The following PWWP2A variants were observed in gnomAD, a reference collection of about 807,000 sequenced individuals.
PWWP2A encodes PWWP domain-containing protein 2A.
Under a neutral mutation model 48.5 loss-of-function variants are expected in PWWP2A, and 18 were observed. That is an observed-to-expected ratio of 0.37 (90% CI 0.26 to 0.55). The LOEUF is 0.55. Ranked by LOEUF, PWWP2A falls within the 20% of genes least tolerant of loss-of-function variation. The pLI is 0.81. For missense variants in PWWP2A, 867 were observed against 976.4 expected (o/e 0.89, Z 1.49); for synonymous variants, 396 against 387.7 (o/e 1.02, Z -0.25).
chr5:160,101,111 G>A (rs577671102), intron 1 of PWWP2A, among the ~76,000 whole-genome samples: 7 of 152,322 alleles, frequency 4.6e-5, no homozygotes, highest in African/African-American at 1.7e-4. Context: ...AGCACTCTGG[G>A]AGCCTGAAGC....
At chr5:160,106,921 T>C (rs1200533356) in intron 1 of PWWP2A, among the ~76,000 whole-genome samples, 1 of 146,460 alleles carries the variant, frequency 6.8e-6, no homozygotes, top group Non-Finnish European at 1.5e-5. Context: ...CCTCCCAGGC[T>C]CAAGTGATTC....
At position 160,091,670 on chromosome 5, in the gene PWWP2A, T is replaced by C; in HGVS notation, c.*712A>G. 1 of 985,250 alleles carries C rather than the reference T, an allele frequency of 1.0e-6. No individual in the cohort carries two copies. The highest frequency in any genetic ancestry group is 1.2e-6 in the Non-Finnish European group (1 of 829,878). 61.0% of individuals were successfully genotyped at this position (985,250 alleles called of 1,614,324 possible). On this transcript the variant is annotated 3_prime_UTR_variant, in exon 2 of 2. Transcript: ENST00000307063. Reference sequence around the variant, plus strand: ...CTCCCAAACCAGAAGCTTGAAAGTATTTATTAAATCCCCACTGGACGAAAG... The same window carrying C: ...CTCCCAAACCAGAAGCTTGAAAGTACTTATTAAATCCCCACTGGACGAAAG...
chr5:160,061,042 A>C (rs1753371894), downstream of PWWP2A, among the ~76,000 whole-genome samples: 1 of 152,256 alleles, frequency 6.6e-6, no homozygotes, highest in African/African-American at 2.4e-5. Context: ...CTCAGTTCTC[A>C]AGCTGTCAGT....
At chr5:160,116,826 C>T (rs1758190502) in intron 1 of PWWP2A, 5 of 980,112 alleles carry the variant, frequency 5.1e-6, no homozygotes, top group Non-Finnish European at 6.1e-6. Context: ...GGCGAGGTGG[C>T]TCATGCCTGT....
Position 160,077,885 on chromosome 5 carries a change from G to T in PWWP2A, c.*270C>A. 1 of 380,584 alleles carries T rather than the reference G, an allele frequency of 2.6e-6. No individual in the cohort carries two copies. The highest frequency in any genetic ancestry group is 4.8e-6 in the Non-Finnish European group (1 of 209,800). 23.6% of individuals were successfully genotyped at this position (380,584 alleles called of 1,614,324 possible). A position where few individuals can be genotyped will look rare whatever the true frequency, so the allele number is the denominator to read the frequency against. ...GTGTTTCTTCATATATAAAATTCAA[G>T]TGAGTTCTTACGTGTGTAATTCACA... On this transcript the variant is annotated 3_prime_UTR_variant, in exon 4 of 4. Coordinates refer to the PWWP2A transcript ENST00000456329. The surrounding 1 kb of genome is among the most constrained non-coding windows in gnomAD (Gnocchi z 4.2).
chr5:160,089,271 A>T (rs1273322454), downstream of PWWP2A, among the ~76,000 whole-genome samples: 1 of 152,098 alleles, frequency 6.6e-6, no homozygotes, highest in Non-Finnish European at 1.5e-5. Flanking sequence ...AGCTCACTGC[A>T]GCCTCCAACT....
At chr5:160,052,773 T>C in the PWWP2A span, among the ~76,000 whole-genome samples, 1 of 152,120 alleles carries the variant, frequency 6.6e-6, no homozygotes, top group African/African-American at 2.4e-5. Flanking sequence ...CTTTATAAAT[T>C]CTAATGCACC....
chr5:160,054,247 T>C, the PWWP2A span, among the ~76,000 whole-genome samples: 1 of 152,218 alleles, frequency 6.6e-6, no homozygotes, highest in African/African-American at 2.4e-5. Flanking sequence ...CAGAGCATTT[T>C]TGAGGAGCTA....
chr5:160,047,399 T>C, the PWWP2A span, among the ~76,000 whole-genome samples: 1 of 152,224 alleles, frequency 6.6e-6, no homozygotes, highest in Non-Finnish European at 1.5e-5. Flanking sequence ...GCAAGTTCCA[T>C]GGGCTCAAAT....
rs1395344858 is a variant in PWWP2A at position 160,095,710 on chromosome 5, T to TTA, written c.585-1646_585-1645insTA. Among the ~76,000 whole-genome samples, 168 of 70,134 alleles carry TTA rather than the reference T, an allele frequency of 2.4e-3. 1 individual carries two copies. Among genetic ancestry groups the TTA allele is most frequent in the African/African-American group, 8.8e-3 (162 of 18,436 alleles). The allele number at this position is 70,134 out of a possible 152,430, so 46.0% of individuals were successfully genotyped here. ...TCTTTTTTTTTTTTTTTTTTTTTTTTAAAGACAAGATCTCACTCTGTCATC... is the reference window on the plus strand; with the variant it reads ...TCTTTTTTTTTTTTTTTTTTTTTTTTTAAAAGACAAGATCTCACTCTGTCATC... On this transcript the variant is annotated intron_variant, in intron 1 of 1. Transcript: ENST00000307063.
chr5:160,099,822 C>T (rs1479523015), intron 1 of PWWP2A, among the ~76,000 whole-genome samples: 7 of 152,048 alleles, frequency 4.6e-5, no homozygotes, highest in East Asian at 2.0e-4. Context: ...TGTGCCACCA[C>T]GCCCCGCTAA....
At chr5:160,052,248 A>G in the PWWP2A span, among the ~76,000 whole-genome samples, 1 of 152,184 alleles carries the variant, frequency 6.6e-6, no homozygotes, top group Non-Finnish European at 1.5e-5. Context: ...TGGCTCCTGT[A>G]ATCCCAGCAC....
At chr5:160,110,598 C>A (rs1305596724) in intron 1 of PWWP2A, among the ~76,000 whole-genome samples, 3 of 151,796 alleles carry the variant, frequency 2.0e-5, no homozygotes, top group Admixed American at 2.0e-4. Context: ...CACAGCTACT[C>A]GGGAGGCTGA....
downstream of PWWP2A, chr5:160,089,695 TCTTC>T: frequency 7.9e-7 from 1 of 1,271,924 alleles, no homozygotes; most frequent in East Asian, 5.7e-5. Context: ...CTTTCACAAC[TCTTC>T]CTTCACTTGG....
At chr5:160,116,417 C>T (rs555988681) in intron 1 of PWWP2A, among the ~76,000 whole-genome samples, 1 of 152,222 alleles carries the variant, frequency 6.6e-6, no homozygotes, top group South Asian at 2.1e-4. Context: ...GATCGCATCA[C>T]TGCACTCCAG....
intron 1 of PWWP2A, chr5:160,118,075 T>C (rs1050509752): frequency 1.9e-5 from 3 of 154,474 alleles, no homozygotes; most frequent in Non-Finnish European, 4.3e-5. Flanking sequence ...TTGTCCTTAA[T>C]ACATAAACTG....
the PWWP2A span, among the ~76,000 whole-genome samples, chr5:160,050,132 G>A: frequency 6.6e-6 from 1 of 151,928 alleles, no homozygotes. Flanking sequence ...ATGGGCAACA[G>A]AGTAAGACTT....
downstream of PWWP2A, among the ~76,000 whole-genome samples, chr5:160,073,091 G>A (rs1433524989): frequency 2.0e-5 from 3 of 151,550 alleles, no homozygotes; most frequent in Non-Finnish European, 2.9e-5. Flanking sequence ...AGAGCTTGGT[G>A]AGATGGATTT....
At position 160,066,279 on chromosome 5, in the gene PWWP2A, G is replaced by A. The variant is rs182030920; in HGVS notation, c.*236+269C>T. On this transcript the variant is annotated intron_variant and NMD_transcript_variant, in intron 4 of 5. Transcript: ENST00000524050. ...GTGCTTCCTGTGCAGCCAGCATTAT[G>A]CTAGAAAGTGGTTCTCATTTTTTTT... Among the ~76,000 whole-genome samples, 428 of 142,750 alleles carry A rather than the reference G, an allele frequency of 3.0e-3. 2 individuals are homozygous for A. Among genetic ancestry groups the A allele is most frequent in the African/African-American group, 0.011 (416 of 37,612 alleles). The allele number at this position is 142,750 out of a possible 152,430, so 93.6% of individuals were successfully genotyped here.
Sources: allele counts gnomAD v4.1 joint callset (sites outside exome capture counted in the v4.1 genomes callset), GRCh38; gene constraint gnomAD v4.1.1; non-coding constraint Gnocchi (gnomAD v3.1); transcripts MANE v1.5; gene names NCBI Gene and HGNC (gene_info 2026-07-23, HGNC 2026-07-21).